Variants in DGKB observed in about 807,000 individuals in gnomAD.
DGKB encodes the protein 90 kDa diacylglycerol kinase.
In DGKB, 67 loss-of-function variants were observed where a neutral mutation model predicts 114.3. That is an observed-to-expected ratio of 0.59 (90% CI 0.48 to 0.72). The LOEUF is 0.72. Ranked by LOEUF, DGKB falls within the 30% of genes least tolerant of loss-of-function variation. The pLI is 0.00. For synonymous variants in DGKB, 398 were observed against 323.1 expected (o/e 1.23, Z -2.49); for missense variants, 907 against 975.2 (o/e 0.93, Z 0.93).
At chr7:14,232,564 G>A (rs2128343676) in intron 23 of DGKB, among the ~76,000 whole-genome samples, 1 of 151,758 alleles carries the variant, frequency 6.6e-6, no homozygotes, top group East Asian at 1.9e-4. Flanking sequence ...TCATAAGAGT[G>A]AACCAAATGC....
intron 23 of DGKB, among the ~76,000 whole-genome samples, chr7:14,292,041 T>C (rs1801853162): frequency 6.6e-6 from 1 of 152,150 alleles, no homozygotes; most frequent in Non-Finnish European, 1.5e-5. Flanking sequence ...CCTTTTAAAG[T>C]GTGAATGTTA....
intron 13 of DGKB, among the ~76,000 whole-genome samples, chr7:14,669,339 C>G (rs183829067): frequency 6.6e-6 from 1 of 152,206 alleles, no homozygotes; most frequent in Admixed American, 6.5e-5. Context: ...CGTATGATAT[C>G]TTTGAACTTC....
At chr7:14,387,197 G>C (rs761787049) in intron 21 of DGKB, among the ~76,000 whole-genome samples, 1 of 151,888 alleles carries the variant, frequency 6.6e-6, no homozygotes. Context: ...GCCAAGTTGC[G>C]TGGATCACGA....
chr7:14,154,387 C>T (rs530572412), intron 25 of DGKB, among the ~76,000 whole-genome samples: 34 of 151,974 alleles, frequency 2.2e-4, no homozygotes, highest in South Asian at 4.1e-4. Flanking sequence ...AGAAGCAGAA[C>T]AGCTTAATGG....
chr7:14,450,112 A>G (rs17168191), intron 21 of DGKB, among the ~76,000 whole-genome samples: 1 of 152,038 alleles, frequency 6.6e-6, no homozygotes, highest in African/African-American at 2.4e-5. Flanking sequence ...CAAGAACACA[A>G]TTTATCAATA....
chr7:14,727,219 A>G (rs576234148), intron 5 of DGKB, among the ~76,000 whole-genome samples: 104 of 152,294 alleles, frequency 6.8e-4, no homozygotes, highest in African/African-American at 2.4e-3. Context: ...AAGGTGGAAA[A>G]TTTGAGGACC....
intron 23 of DGKB, among the ~76,000 whole-genome samples, chr7:14,331,990 C>T (rs1249595418): frequency 1.3e-5 from 2 of 152,076 alleles, no homozygotes; most frequent in African/African-American, 2.4e-5. Flanking sequence ...AAAGCTTATT[C>T]TGGGGGAAAT....
chr7:14,290,848 A>C (rs1475681328), intron 23 of DGKB, among the ~76,000 whole-genome samples: 4 of 152,142 alleles, frequency 2.6e-5, no homozygotes, highest in Admixed American at 2.6e-4. Context: ...TACGGACTTA[A>C]GTAGAGAATG....
intron 23 of DGKB, among the ~76,000 whole-genome samples, chr7:14,298,173 A>G (rs985658284): frequency 6.6e-6 from 1 of 152,208 alleles, no homozygotes; most frequent in African/African-American, 2.4e-5. Flanking sequence ...CCAAGCTACC[A>G]TTGACTTTCT....
intron 13 of DGKB, among the ~76,000 whole-genome samples, chr7:14,655,187 A>T (rs975513410): frequency 6.6e-6 from 1 of 151,822 alleles, no homozygotes; most frequent in Non-Finnish European, 1.5e-5. Context: ...ACTTAACAGC[A>T]ATAATAATAA....
intron 20 of DGKB, among the ~76,000 whole-genome samples, chr7:14,569,663 T>C (rs1436994638): frequency 6.6e-6 from 1 of 152,144 alleles, no homozygotes; most frequent in African/African-American, 2.4e-5. Context: ...AATTGTAGCA[T>C]GTATAATTTA....
intron 23 of DGKB, among the ~76,000 whole-genome samples, chr7:14,245,524 T>C (rs889267263): frequency 6.6e-6 from 1 of 152,130 alleles, no homozygotes; most frequent in Non-Finnish European, 1.5e-5. Flanking sequence ...ATTCAAATAT[T>C]GTGGGTTCCT....
chr7:14,865,551 G>A (rs1298292864), intron 1 of DGKB, among the ~76,000 whole-genome samples: 1 of 152,204 alleles, frequency 6.6e-6, no homozygotes. Context: ...GTGGCTTCCT[G>A]CTGTTGCTAT....
chr7:14,628,975 A>G (rs1229582568), intron 14 of DGKB, among the ~76,000 whole-genome samples: 1 of 152,078 alleles, frequency 6.6e-6, no homozygotes, highest in East Asian at 1.9e-4. Flanking sequence ...ATTTGGATCT[A>G]TTTACTCAAT....
intron 1 of DGKB, among the ~76,000 whole-genome samples, chr7:14,887,892 C>T (rs187590846): frequency 5.9e-5 from 9 of 151,826 alleles, no homozygotes; most frequent in Admixed American, 2.0e-4. Context: ...TGTGAAATTA[C>T]GTCACAGATA....
chr7:14,801,907 TAC>T (rs766495904), intron 2 of DGKB, among the ~76,000 whole-genome samples: 1,542 of 141,706 alleles, frequency 0.011, 13 homozygotes, highest in Non-Finnish European at 0.016. Flanking sequence ...TACACACATA[TAC>T]ACACATATAT....
At chr7:14,702,099 G>C (rs1422544167) in intron 6 of DGKB, among the ~76,000 whole-genome samples, 5 of 152,098 alleles carry the variant, frequency 3.3e-5, no homozygotes, top group Non-Finnish European at 7.4e-5. Flanking sequence ...AACAACAAAT[G>C]TGAAATTTAG....
chr7:14,303,505 C>T (rs1394812022), intron 23 of DGKB, among the ~76,000 whole-genome samples: 2 of 151,902 alleles, frequency 1.3e-5, no homozygotes, highest in African/African-American at 4.8e-5. Context: ...ACTTACCTGC[C>T]ATATTTATTA....
upstream of DGKB, among the ~76,000 whole-genome samples, chr7:14,904,910 G>C (rs1012117033): frequency 1.2e-4 from 18 of 152,232 alleles, no homozygotes; most frequent in African/African-American, 4.3e-4. Context: ...TGATACAAAA[G>C]GCCAACTTTA....
Sources: gnomAD v4.1 joint callset for allele counts (sites outside exome capture counted in the v4.1 genomes callset) on GRCh38, gnomAD v4.1.1 for gene constraint, MANE v1.5 for transcripts, NCBI Gene and HGNC (gene_info 2026-07-23, HGNC 2026-07-21) for gene names.